The following THSD7B variants were observed in gnomAD, a reference collection of about 807,000 sequenced individuals.
The protein encoded by THSD7B is thrombospondin type 1 domain containing 7B.
Under a neutral mutation model 213.6 loss-of-function variants are expected in THSD7B, and 138 were observed. The observed-to-expected ratio is 0.65, with a 90% CI of 0.56 to 0.74. The LOEUF (loss-of-function observed/expected upper bound fraction) is 0.74, where lower values mean the gene tolerates loss of function less well. Ranked by LOEUF, THSD7B falls within the 30% of genes least tolerant of loss-of-function variation. The pLI, the probability that THSD7B is intolerant of heterozygous loss-of-function variation, is 0.00. For missense variants in THSD7B, 1,931 were observed against 1,991.5 expected, an observed-to-expected ratio of 0.97 and a Z score of 0.58; for synonymous variants, 742 against 687.0, an observed-to-expected ratio of 1.08 and a Z score of -1.25.
chr2:136,825,718 A>ATTTTTTTTTTTTTTGTTTTTT (rs759978910), intron 1 of THSD7B, among the ~76,000 whole-genome samples: 3,634 of 116,408 alleles, frequency 0.031, 190 homozygotes, highest in South Asian at 0.078. Context: ...TGCCTGGCTA[A>ATTTTTTTTTTTTTTGTTTTTT]TTTTTTTTTT....
chr2:137,012,308 A>G (rs531683486), intron 2 of THSD7B, among the ~76,000 whole-genome samples: 9 of 152,144 alleles, frequency 5.9e-5, no homozygotes, highest in Non-Finnish European at 1.3e-4. Context: ...CTTTAAAAAT[A>G]TGGTCTTCTA....
intron 2 of THSD7B, among the ~76,000 whole-genome samples, chr2:137,016,664 G>T (rs13416828): frequency 7.0e-4 from 106 of 152,186 alleles, no homozygotes; most frequent in African/African-American, 2.5e-3. Context: ...TTGGGCCAGG[G>T]TATATTCTCA....
intron 12 of THSD7B, among the ~76,000 whole-genome samples, chr2:137,316,624 G>A (rs976894055): frequency 2.6e-5 from 4 of 152,014 alleles, no homozygotes; most frequent in Admixed American, 2.0e-4. Flanking sequence ...CAGGCGCGGT[G>A]GTGGGTGCCT....
chr2:136,899,573 G>A (rs886847502), intron 2 of THSD7B, among the ~76,000 whole-genome samples: 5 of 151,890 alleles, frequency 3.3e-5, no homozygotes, highest in Admixed American at 3.3e-4. Context: ...AAGTTCACAA[G>A]GAAGTTACAA....
chr2:137,479,655 T>C lies in THSD7B; in HGVS notation c.3138+28632T>C, dbSNP rs191454105. Among the ~76,000 whole-genome samples, 103 of 152,300 alleles carry C rather than the reference T, an allele frequency of 6.8e-4. 1 individual carries two copies. The highest frequency in any genetic ancestry group is 2.1e-3 in the Admixed American group (32 of 15,306). ...AAGATTCTCTGGGGATAGTGGGGGTTGCTGCCAATGGTTCATGTTTTTGCC... is the reference window on the plus strand; with the variant it reads ...AAGATTCTCTGGGGATAGTGGGGGTCGCTGCCAATGGTTCATGTTTTTGCC... On this transcript the variant is annotated intron_variant, in intron 15 of 27. Coordinates refer to ENST00000409968, the MANE Select transcript of THSD7B (RefSeq NM_001316349.2).
At chr2:137,575,742 A>ATATATATATATATATATATATATATTT (rs1235744133) in intron 17 of THSD7B, among the ~76,000 whole-genome samples, 1 of 147,328 alleles carries the variant, frequency 6.8e-6, no homozygotes, top group African/African-American at 2.4e-5. Flanking sequence ...ATATATATAT[A>ATATATATATATATATATATATATATTT]TTTTTACTTT....
At chr2:136,778,542 C>A (rs1573634146) in intron 1 of THSD7B, among the ~76,000 whole-genome samples, 1 of 152,280 alleles carries the variant, frequency 6.6e-6, no homozygotes, top group South Asian at 2.1e-4. Flanking sequence ...GGAATTCACA[C>A]AAAAGACAAG....
At chr2:137,061,296 A>C (rs908641090) in intron 3 of THSD7B, among the ~76,000 whole-genome samples, 3 of 124,964 alleles carry the variant, frequency 2.4e-5, no homozygotes, top group African/African-American at 3.9e-5. Context: ...TCAGCATGTC[A>C]TCTGCAAAAA....
intron 2 of THSD7B, among the ~76,000 whole-genome samples, chr2:136,952,338 T>C (rs1475121247): frequency 6.6e-6 from 1 of 152,216 alleles, no homozygotes; most frequent in African/African-American, 2.4e-5. Flanking sequence ...AATGGGATTC[T>C]TCTTGCCCTT....
chr2:136,991,172 T>C (rs1417256999), intron 2 of THSD7B, among the ~76,000 whole-genome samples: 1 of 152,192 alleles, frequency 6.6e-6, no homozygotes, highest in East Asian at 1.9e-4. Context: ...GCAGTAATTA[T>C]GTGTCATATA....
chr2:137,209,215 C>A (rs1215316776), intron 7 of THSD7B, among the ~76,000 whole-genome samples: 1 of 151,970 alleles, frequency 6.6e-6, no homozygotes, highest in East Asian at 1.9e-4. Context: ...TTCAATTGCT[C>A]CTTTCCAATG....
chr2:137,484,052 G>A (rs1688367974), intron 15 of THSD7B, among the ~76,000 whole-genome samples: 1 of 151,340 alleles, frequency 6.6e-6, no homozygotes, highest in South Asian at 2.1e-4. Context: ...TAAGTTTTAG[G>A]GTACATGTGC....
intron 9 of THSD7B, among the ~76,000 whole-genome samples, chr2:137,240,694 T>A (rs937555317): frequency 2.6e-5 from 4 of 152,108 alleles, no homozygotes; most frequent in South Asian, 2.1e-4. Context: ...TTATATTTTT[T>A]AATAGACACA....
chr2:136,936,896 A>G (rs553988896), intron 2 of THSD7B, among the ~76,000 whole-genome samples: 4 of 152,226 alleles, frequency 2.6e-5, no homozygotes, highest in African/African-American at 9.6e-5. Context: ...CAATAGACAC[A>G]CATTCCTAAA....
intron 17 of THSD7B, among the ~76,000 whole-genome samples, chr2:137,573,670 A>G (rs1250327511): frequency 6.6e-6 from 1 of 152,140 alleles, no homozygotes; most frequent in Non-Finnish European, 1.5e-5. Flanking sequence ...TGCAAGGTAC[A>G]TGTAGGAACT....
At chr2:137,204,088 T>C (rs1242550827) in intron 7 of THSD7B, among the ~76,000 whole-genome samples, 2 of 152,054 alleles carry the variant, frequency 1.3e-5, no homozygotes, top group African/African-American at 2.4e-5. Context: ...ATAATTGGAA[T>C]AGAATGATAG....
chr2:137,483,474 T>A (rs1688352344), intron 15 of THSD7B, among the ~76,000 whole-genome samples: 1 of 152,250 alleles, frequency 6.6e-6, no homozygotes, highest in African/African-American at 2.4e-5. Context: ...TTGAAGATGC[T>A]GGGCTCTGCC....
At chr2:137,474,794 A>G (rs1344701519) in intron 15 of THSD7B, among the ~76,000 whole-genome samples, 2 of 152,196 alleles carry the variant, frequency 1.3e-5, no homozygotes, top group African/African-American at 4.8e-5. Flanking sequence ...ATCACAAATG[A>G]TGAAAATAGT....
chr2:137,041,904 T>C (rs1313409717), intron 2 of THSD7B, among the ~76,000 whole-genome samples: 1 of 152,216 alleles, frequency 6.6e-6, no homozygotes, highest in Non-Finnish European at 1.5e-5. Flanking sequence ...TGAAAGGATG[T>C]AGGAAATCTG....
Sources: allele counts gnomAD v4.1 joint callset (sites outside exome capture counted in the v4.1 genomes callset), GRCh38; gene constraint gnomAD v4.1.1; transcripts MANE v1.5; gene names NCBI Gene and HGNC (gene_info 2026-07-23, HGNC 2026-07-21).